Variants in POLL observed in about 807,000 individuals in gnomAD.
POLL encodes DNA polymerase lambda, also known as DNA polymerase beta-2.
POLL carries 44 observed loss-of-function variants against 58.1 expected under a neutral mutation model. The observed-to-expected ratio is 0.76, with a 90% CI of 0.60 to 0.97. POLL has a LOEUF of 0.97. Among genes scored for constraint, POLL ranks in the 50% least tolerant of loss-of-function variants. POLL has a pLI of 0.00. For synonymous variants in POLL, 290 were observed against 283.2 expected (o/e 1.02, Z -0.24); for missense variants, 632 against 736.8 (o/e 0.86, Z 1.65).
In POLL at chr10:101,580,847, T is replaced by A. The variant is rs1220920419; in HGVS notation, c.1195-431A>T. On this transcript the variant is annotated intron_variant, in intron 7 of 8. Transcript: ENST00000370162. This position sits in a 1 kb window ranked among gnomAD's most constrained non-coding sequence, Gnocchi z 4.1. ...CCCCAGATATCTACTGATTTGGAGC[T>A]AAAGGTTTGGAATATGTGAGCTGGG... 3.1e-4 allele frequency: 49 copies of A among 158,854 alleles called. No individual in the cohort carries two copies. The allele number at this position is 158,854 out of a possible 1,614,324, so 9.8% of individuals were successfully genotyped here. A position where few individuals can be genotyped will look rare whatever the true frequency, so the allele number is the denominator to read the frequency against.
Position 101,579,909 on chromosome 10 carries a change from T to G in POLL, c.1364-92A>C. On this transcript the variant is annotated intron_variant, in intron 8 of 8. Coordinates refer to ENST00000370162, the MANE Select transcript of POLL (RefSeq NM_001174084.2). This position sits in a 1 kb window ranked among gnomAD's most constrained non-coding sequence, Gnocchi z 4.4. ...TCTCTCCTGATGTCTAAGCTGGGGC[T>G]TGCCCAGGTATTAGCTGGGTGACAC... 2.8e-6 allele frequency: 4 copies of G among 1,445,932 alleles called. No homozygotes were observed. The highest frequency in any genetic ancestry group is 2.8e-6 in the Non-Finnish European group (3 of 1,077,362). The allele number at this position is 1,445,932 out of a possible 1,614,324, so 89.6% of individuals were successfully genotyped here.
intron 2 of POLL, among the ~76,000 whole-genome samples, chr10:101,586,848 T>C (rs1354424930): frequency 1.3e-5 from 2 of 152,210 alleles, no homozygotes; most frequent in African/African-American, 4.8e-5. Context: ...AGCGCGTTTC[T>C]TGCCCTTACA....
At chr10:101,585,003 G>C in intron 4 of POLL, 84 bp from the exon 5 acceptor site, 2 of 870,146 alleles carry the variant, frequency 2.3e-6, no homozygotes, top group Non-Finnish European at 3.3e-6. Flanking sequence ...TCTTCTTTGT[G>C]CGGGGGGAGG....
intron 1 of POLL, 108 bp from the exon 2 acceptor site, chr10:101,587,514 C>T (rs1329865200): frequency 5.6e-6 from 7 of 1,241,774 alleles, no homozygotes; most frequent in Admixed American, 3.4e-5. Flanking sequence ...GGAAGCGGGT[C>T]GGGGGAGGGG....
At chr10:101,585,514 G>A (rs757721371) in intron 3 of POLL, 36 bp from the exon 4 acceptor site, 4 of 1,474,782 alleles carry the variant, frequency 2.7e-6, no homozygotes, top group Non-Finnish European at 3.6e-6. Context: ...AGACACCAAA[G>A]GTCTCACCCT....
intron 7 of POLL, chr10:101,582,214 C>G (rs2063038877): frequency 6.5e-6 from 1 of 154,280 alleles, no homozygotes; most frequent in African/African-American, 2.4e-5. Flanking sequence ...CCTACTGACA[C>G]TGTGCTTTTA....
rs1343401647 is a variant in POLL at position 101,588,184 on chromosome 10, G to T, written c.-409C>A. ...TGGCCAAGCTAGTCACCCGGGGGTGGGCAGGAATAGACCACTTACCAGCAG... is the reference window on the plus strand; with the variant it reads ...TGGCCAAGCTAGTCACCCGGGGGTGTGCAGGAATAGACCACTTACCAGCAG... On this transcript the variant is annotated 5_prime_UTR_variant, in exon 1 of 9. Transcript: ENST00000370162. 3.3e-6 allele frequency: 5 copies of T among 1,530,484 alleles called. No homozygotes were observed. Among genetic ancestry groups the T allele is most frequent in the Non-Finnish European group, 4.4e-6 (5 of 1,140,824 alleles). 94.8% of individuals were successfully genotyped at this position (1,530,484 alleles called of 1,614,324 possible). A position where few individuals can be genotyped will look rare whatever the true frequency, so the allele number is the denominator to read the frequency against.
Position 101,586,039 on chromosome 10 carries a change from GGGC to G in POLL, c.230_232del (p.Gly77_Pro78delinsAla), listed in dbSNP as rs750178236. 7 of 1,613,958 alleles carry G rather than the reference GGGC, an allele frequency of 4.3e-6. No individual in the cohort carries two copies. Among genetic ancestry groups the G allele is most frequent in the Admixed American group, 1.7e-5 (1 of 59,996 alleles). ...ATCCACCACAATGTGAGTGACACCT[GGGC>G]CCTGGGCAGGGCATAGCTGGCCGCC... On this transcript the variant is annotated inframe_deletion, in exon 3 of 9. Transcript: ENST00000370162.
At chr10:101,586,214 C>G in intron 2 of POLL, 58 bp from the exon 3 acceptor site, 1 of 1,457,334 alleles carries the variant, frequency 6.9e-7, no homozygotes, top group South Asian at 1.2e-5. Flanking sequence ...TATCTGCCAC[C>G]CCCTGGCCAC....
At position 101,585,994 on chromosome 10, in the gene POLL, C is replaced by T. The variant is rs775135336; in HGVS notation, c.278G>A (p.Arg93Gln). 119 of 1,614,004 alleles carry T rather than the reference C, an allele frequency of 7.4e-5. No individual in the cohort carries two copies. The highest frequency in any genetic ancestry group is 8.8e-5 in the Non-Finnish European group (104 of 1,180,040). Residue 93 changes from arginine (R) to glutamine (Q), a missense_variant, in exon 3 of 9, where the codon CGA becomes CAA. Transcript: ENST00000370162. ...IVVDEGMDYE[R>Q]ALRLLRLPQL... ...GGGTAGTCTGAGAAGGCGGAGGGCTCGCTCATAGTCCATGCCTTCATCCAC... is the reference window on the plus strand; with the variant it reads ...GGGTAGTCTGAGAAGGCGGAGGGCTTGCTCATAGTCCATGCCTTCATCCAC...
At chr10:101,583,270 T>A in intron 6 of POLL, 1 of 596,474 alleles carries the variant, frequency 1.7e-6, no homozygotes, top group South Asian at 2.1e-5. Context: ...CTGGGGAGAC[T>A]GAGAAACATA....
Position 101,579,704 on chromosome 10 carries a change from C to G in POLL, c.1477G>C (p.Val493Leu), listed in dbSNP as rs369974388. The G allele has an allele frequency of 6.2e-7, 1 of 1,613,712 alleles. No homozygotes were observed. Among genetic ancestry groups the G allele is most frequent in the African/African-American group, 1.3e-5 (1 of 74,912 alleles). ...GRRHRRLDIIVVPYSEFACAL... is the reference protein window; with the variant it reads ...GRRHRRLDIILVPYSEFACAL... ...CAGGCAAACTCGCTATAGGGCACCA[C>G]GATGATGTCCAGGCGCCGGTGCCGC... Residue 493 changes from valine (V) to leucine (L), a missense_variant, in exon 9 of 9, where the codon GTG (valine) becomes CTG (leucine). Transcript: ENST00000370162. The surrounding 1 kb of genome is among the most constrained non-coding windows in gnomAD (Gnocchi z 4.4).
Position 101,587,880 on chromosome 10 carries a change from T to G in POLL, c.-105A>C. ...CTTTCGGGGGTGAGTGGGAACGCCC[T>G]GCACCTGTCCTGGTCTCAGCCTCTC... On this transcript the variant is annotated 5_prime_UTR_variant, in exon 1 of 9. Coordinates refer to ENST00000370162, the MANE Select transcript of POLL (RefSeq NM_001174084.2). 8.4e-7 allele frequency: 1 copy of G among 1,197,050 alleles called. No homozygotes were observed. The highest frequency in any genetic ancestry group is 1.1e-6 in the Non-Finnish European group (1 of 945,820). 74.2% of individuals were successfully genotyped at this position (1,197,050 alleles called of 1,614,324 possible).
rs772180092 is a variant in POLL at position 101,583,677 on chromosome 10, G to A, written c.896C>T (p.Ala299Val). 1 of 1,613,942 alleles carries A rather than the reference G, an allele frequency of 6.2e-7. No homozygotes were observed. The highest frequency in any genetic ancestry group is 2.2e-5 in the East Asian group (1 of 44,878). Residue 299 changes from alanine to valine, a missense_variant, in exon 6 of 9, where the codon GCC becomes GTC. Ala to Val is a moderately conservative substitution (Grantham distance 64). Transcript: ENST00000370162. ...FHKPVTSYQE[A>V]CSIPGIGKRM... ...CTTCCCAATCCCAGGGATACTGCAGGCCTCCTAGAGGAGGAGGAGGCAGAG... is the reference window on the plus strand; with the variant it reads ...CTTCCCAATCCCAGGGATACTGCAGACCTCCTAGAGGAGGAGGAGGCAGAG...
chr10:101,587,774 G>A, intron 1 of POLL, 48 bp downstream of exon 1: 3 of 1,189,392 alleles, frequency 2.5e-6, no homozygotes, highest in South Asian at 1.6e-5. Flanking sequence ...GGGATGGAGC[G>A]GAGCCTGGGG....
intron 4 of POLL, 59 bp from the exon 5 acceptor site, chr10:101,584,978 T>C: frequency 2.5e-6 from 2 of 813,600 alleles, no homozygotes; most frequent in Non-Finnish European, 3.3e-6. Flanking sequence ...AAGGGATCCT[T>C]AAAGGTGGGG....
intron 6 of POLL, 101 bp from the exon 7 acceptor site, chr10:101,582,992 G>A (rs956146184): frequency 2.0e-6 from 3 of 1,472,550 alleles, no homozygotes; most frequent in Non-Finnish European, 1.9e-6. Context: ...AGACTCTAGG[G>A]AAGGCTAGAG....
At position 101,584,694 on chromosome 10, in the gene POLL, A is replaced by G; in HGVS notation, c.799T>C (p.Tyr267His). 3.1e-6 allele frequency: 5 copies of G among 1,614,044 alleles called. No individual in the cohort carries two copies. Among genetic ancestry groups the G allele is most frequent in the Non-Finnish European group, 4.2e-6 (5 of 1,179,976 alleles). The change falls in exon 5 of 9, where the codon TAC becomes CAC. Residue 267 changes from tyrosine to histidine, a missense_variant. Transcript: ENST00000370162. ...CTCCACTTGTCTCCCTGAACACTGTAGGCTTTGGCCAGAACTTCCAGCTTC... is the reference window on the plus strand; with the variant it reads ...CTCCACTTGTCTCCCTGAACACTGTGGGCTTTGGCCAGAACTTCCAGCTTC... ...TEKLEVLAKA[Y>H]SVQGDKWRAL...
intron 2 of POLL, 62 bp downstream of exon 2, chr10:101,587,184 G>GCTT (rs1488552337): frequency 1.9e-6 from 3 of 1,613,148 alleles, no homozygotes; most frequent in Non-Finnish European, 2.5e-6. Context: ...ACAACGTAGG[G>GCTT]CTGAAGCACA....
Sources: allele counts gnomAD v4.1 joint callset (sites outside exome capture counted in the v4.1 genomes callset), GRCh38; gene constraint gnomAD v4.1.1; non-coding constraint Gnocchi (gnomAD v3.1); transcripts MANE v1.5; gene names NCBI Gene and HGNC (gene_info 2026-07-23, HGNC 2026-07-21).